Variants in SH3RF3 observed in about 807,000 individuals in gnomAD.
The protein encoded by SH3RF3 is SH3 domain containing ring finger 3, also known as E3 ubiquitin-protein ligase SH3RF3.
A neutral mutation model predicts 66.3 loss-of-function variants in SH3RF3; 29 were observed. The ratio of observed to expected loss-of-function variants is 0.44; its 90% confidence interval spans 0.33 to 0.60. SH3RF3 has a LOEUF of 0.60. Among genes scored for constraint, SH3RF3 ranks in the 20% least tolerant of loss-of-function variants. The pLI is 0.04. For synonymous variants in SH3RF3, 583 were observed against 532.0 expected (o/e 1.10, Z -1.32); for missense variants, 1,194 against 1,190.9 (o/e 1.00, Z -0.04).
Position 109,397,159 on chromosome 2 carries a change from G to A in SH3RF3, c.946-1431G>A, listed in dbSNP as rs1676169570. Among the ~76,000 whole-genome samples the A allele has an allele frequency of 2.0e-5, 3 of 152,116 alleles. No homozygotes were observed. The South Asian group carries it at 6.2e-4, about 32-fold the overall frequency. On this transcript the variant is annotated intron_variant, in intron 3 of 9. Transcript: ENST00000309415. Reference sequence around the variant, plus strand: ...CTGGCAGACAGAATGTGCCAGGCCTGCACACAACCACTCCACCCTGCTCAG... The same window carrying A: ...CTGGCAGACAGAATGTGCCAGGCCTACACACAACCACTCCACCCTGCTCAG...
At chr2:109,370,015 A>G (rs1385461267) in intron 2 of SH3RF3, among the ~76,000 whole-genome samples, 1 of 152,128 alleles carries the variant, frequency 6.6e-6, no homozygotes, top group African/African-American at 2.4e-5. Flanking sequence ...CAAGTCACAC[A>G]TGGGCCAGCT....
At chr2:109,407,079 C>A (rs1265495511) in intron 4 of SH3RF3, among the ~76,000 whole-genome samples, 2 of 152,214 alleles carry the variant, frequency 1.3e-5, no homozygotes, top group Admixed American at 1.3e-4. Flanking sequence ...CCCACTAATA[C>A]TGCCCATGAG....
chr2:109,308,869 C>T (rs1681660674), intron 1 of SH3RF3, among the ~76,000 whole-genome samples: 1 of 72,826 alleles, frequency 1.4e-5, no homozygotes. Context: ...ATGCCTCCAG[C>T]TTTGTTCTTT....
chr2:109,221,789 C>T (rs971280150), intron 1 of SH3RF3, among the ~76,000 whole-genome samples: 1 of 151,950 alleles, frequency 6.6e-6, no homozygotes, highest in Non-Finnish European at 1.5e-5. Flanking sequence ...CTATGGAAAC[C>T]AGTAGGAAAG....
At chr2:109,437,232 T>A (rs1677431292) in intron 7 of SH3RF3, 86 bp downstream of exon 7, 11 of 1,487,260 alleles carry the variant, frequency 7.4e-6, no homozygotes, top group Non-Finnish European at 9.9e-6. Context: ...GGCCCAAGGC[T>A]CCAGCAGTGC....
chr2:109,176,380 A>G (rs1484607369), intron 1 of SH3RF3, among the ~76,000 whole-genome samples: 1 of 151,820 alleles, frequency 6.6e-6, no homozygotes, highest in Non-Finnish European at 1.5e-5. Flanking sequence ...AGAGAACACC[A>G]TGTGCAATGG....
intron 1 of SH3RF3, among the ~76,000 whole-genome samples, chr2:109,197,395 G>A (rs777316817): frequency 1.3e-5 from 2 of 152,322 alleles, no homozygotes; most frequent in African/African-American, 4.8e-5. Context: ...CCACTTGCAA[G>A]CTGTTTGTCC....
rs551107985 is a variant in SH3RF3, at chr2:109,349,700, G to A, written c.849+1751G>A. On this transcript the variant is annotated intron_variant, in intron 2 of 9. Coordinates refer to ENST00000309415, the MANE Select transcript of SH3RF3 (RefSeq NM_001099289.3). ...TCCTCCAGGGGCCTCACAGGAGGAG[G>A]CTCTCCACTCGGGAGAACCCACTGT... 6.0e-4 allele frequency among the ~76,000 whole-genome samples: 91 copies of A among 152,326 alleles called. 1 individual carries two copies. The highest frequency in any genetic ancestry group is 2.0e-3 in the African/African-American group (82 of 41,576).
At chr2:109,460,601 A>G (rs1351806655) in intron 8 of SH3RF3, among the ~76,000 whole-genome samples, 1 of 152,200 alleles carries the variant, frequency 6.6e-6, no homozygotes, top group East Asian at 1.9e-4. Flanking sequence ...TGGAATTACT[A>G]AAGTCCTCCT....
At chr2:109,299,205 C>T (rs1288018917) in intron 1 of SH3RF3, among the ~76,000 whole-genome samples, 1 of 152,236 alleles carries the variant, frequency 6.6e-6, no homozygotes, top group African/African-American at 2.4e-5. Context: ...AAAACTGCGA[C>T]CCTGCCTCCC....
chr2:109,170,531 A>T (rs1253057770), intron 1 of SH3RF3, among the ~76,000 whole-genome samples: 1 of 151,926 alleles, frequency 6.6e-6, no homozygotes, highest in East Asian at 1.9e-4. Flanking sequence ...TTTTTAGTAG[A>T]GATGGGGTTT....
At chr2:109,374,117 C>T (rs977304647) in intron 3 of SH3RF3, among the ~76,000 whole-genome samples, 9 of 152,174 alleles carry the variant, frequency 5.9e-5, no homozygotes, top group Non-Finnish European at 1.0e-4. Context: ...TGCCCCCACA[C>T]CCCCTCACAG....
intron 1 of SH3RF3, among the ~76,000 whole-genome samples, chr2:109,196,900 A>C (rs988302642): frequency 6.6e-6 from 1 of 152,198 alleles, no homozygotes; most frequent in Non-Finnish European, 1.5e-5. Context: ...CCGGCACATC[A>C]TAGAGGCTGG....
chr2:109,316,792 G>T (rs1317067976), intron 1 of SH3RF3, among the ~76,000 whole-genome samples: 1 of 152,138 alleles, frequency 6.6e-6, no homozygotes, highest in East Asian at 1.9e-4. Flanking sequence ...AAATCCATGT[G>T]CTCTATCTGG....
intron 1 of SH3RF3, among the ~76,000 whole-genome samples, chr2:109,231,355 G>A (rs1462089006): frequency 6.6e-6 from 1 of 152,234 alleles, no homozygotes; most frequent in Non-Finnish European, 1.5e-5. Flanking sequence ...TAACTCCCCT[G>A]GGAGAAGGTT....
chr2:109,214,962 G>A (rs375755270), intron 1 of SH3RF3, among the ~76,000 whole-genome samples: 15 of 152,288 alleles, frequency 9.8e-5, no homozygotes, highest in African/African-American at 3.1e-4. Flanking sequence ...GAGAGAAGGG[G>A]CACGTCGCTG....
intron 1 of SH3RF3, among the ~76,000 whole-genome samples, chr2:109,291,663 G>A (rs1056179130): frequency 6.6e-6 from 1 of 152,178 alleles, no homozygotes; most frequent in Non-Finnish European, 1.5e-5. Context: ...TTGTTCCAGT[G>A]GGGTGTGAGA....
intron 1 of SH3RF3, among the ~76,000 whole-genome samples, chr2:109,284,049 C>T (rs1680960137): frequency 6.6e-6 from 1 of 152,146 alleles, no homozygotes; most frequent in Non-Finnish European, 1.5e-5. Context: ...GCTGCCTTCT[C>T]ACTTGCTGTC....
intron 1 of SH3RF3, among the ~76,000 whole-genome samples, chr2:109,255,523 A>G (rs1202833392): frequency 6.6e-6 from 1 of 152,192 alleles, no homozygotes; most frequent in Non-Finnish European, 1.5e-5. Context: ...AAAATTAGCA[A>G]ATAACCCCAT....
Sources: gnomAD v4.1 joint callset for allele counts (sites outside exome capture counted in the v4.1 genomes callset) on GRCh38, gnomAD v4.1.1 for gene constraint, MANE v1.5 for transcripts, NCBI Gene and HGNC (gene_info 2026-07-23, HGNC 2026-07-21) for gene names.